Variants in THSD4 observed in about 807,000 individuals in gnomAD.
THSD4 encodes thrombospondin type 1 domain containing 4.
In THSD4, 69 loss-of-function variants were observed where a neutral mutation model predicts 119.0. The ratio of observed to expected loss-of-function variants is 0.58; its 90% CI spans 0.48 to 0.71. THSD4 has a LOEUF of 0.71. Ranked by LOEUF, THSD4 falls within the 30% of genes least tolerant of loss-of-function variation. The pLI is 0.00. For missense variants in THSD4, 1,393 were observed against 1,391.1 expected, an observed-to-expected ratio of 1.00 and a Z score of -0.02; for synonymous variants, 524 against 540.4, an observed-to-expected ratio of 0.97 and a Z score of 0.42.
intron 7 of THSD4, among the ~76,000 whole-genome samples, chr15:71,438,907 A>C (rs1039494940): frequency 6.6e-6 from 1 of 152,164 alleles, no homozygotes; most frequent in Non-Finnish European, 1.5e-5. Context: ...TTTACAATAT[A>C]TTTTTACTTG....
chr15:71,698,352 A>C (rs1489465518), intron 8 of THSD4, among the ~76,000 whole-genome samples: 2 of 152,140 alleles, frequency 1.3e-5, no homozygotes, highest in Non-Finnish European at 2.9e-5. Context: ...AAGGATACAG[A>C]GAAAAGGGCC....
intron 7 of THSD4, among the ~76,000 whole-genome samples, chr15:71,532,293 T>A (rs376659325): frequency 0.17 from 10,985 of 64,750 alleles, 710 homozygotes; most frequent in East Asian, 0.46. Flanking sequence ...AGTGTGTGTG[T>A]GTGTGTGTGT....
At chr15:71,130,286 A>G (rs1490908148) in intron 1 of THSD4, among the ~76,000 whole-genome samples, 1 of 152,070 alleles carries the variant, frequency 6.6e-6, no homozygotes, top group East Asian at 1.9e-4. Flanking sequence ...CTCCGGCTCA[A>G]TCGATCCTCC....
chr15:71,595,386 A>C (rs1476306851), intron 7 of THSD4, among the ~76,000 whole-genome samples: 8 of 152,150 alleles, frequency 5.3e-5, no homozygotes, highest in African/African-American at 1.9e-4. Flanking sequence ...ATGATAGTTA[A>C]TAAGTCTCAT....
chr15:71,184,501 G>A (rs1312517619), intron 3 of THSD4, among the ~76,000 whole-genome samples: 1 of 151,752 alleles, frequency 6.6e-6, no homozygotes, highest in Non-Finnish European at 1.5e-5. Flanking sequence ...ACTTTATAAG[G>A]ATTGGCCTGT....
chr15:71,261,028 G>T (rs540260029), intron 6 of THSD4, among the ~76,000 whole-genome samples: 36 of 152,332 alleles, frequency 2.4e-4, no homozygotes, highest in African/African-American at 8.7e-4. Flanking sequence ...CTTGAACCCA[G>T]GAGGCAGAGG....
intron 6 of THSD4, among the ~76,000 whole-genome samples, chr15:71,363,558 A>G (rs1428388516): frequency 1.3e-5 from 2 of 152,230 alleles, no homozygotes. Flanking sequence ...GGAAAATGTT[A>G]AAGAATATTA....
chr15:71,556,274 G>A (rs533926827), intron 7 of THSD4, among the ~76,000 whole-genome samples: 2 of 152,156 alleles, frequency 1.3e-5, no homozygotes, highest in Non-Finnish European at 2.9e-5. Context: ...TGAACATAGT[G>A]TATAAGCTTT....
intron 7 of THSD4, among the ~76,000 whole-genome samples, chr15:71,477,242 C>T (rs187012348): frequency 6.6e-6 from 1 of 152,336 alleles, no homozygotes; most frequent in African/African-American, 2.4e-5. Flanking sequence ...CCACTGGTTC[C>T]TATCAGACGG....
intron 7 of THSD4, among the ~76,000 whole-genome samples, chr15:71,461,878 C>G (rs1221070971): frequency 6.6e-6 from 1 of 151,662 alleles, no homozygotes. Context: ...ACAAAGTTAC[C>G]ATTCATTTGT....
intron 3 of THSD4, chr15:71,184,155 C>G (rs2043571390): frequency 6.6e-6 from 1 of 151,816 alleles, no homozygotes; most frequent in South Asian, 2.1e-4. Flanking sequence ...ACTGAGGTTT[C>G]TGTAGTAGGA....
At chr15:71,731,328 T>G (rs1395984529) in intron 10 of THSD4, 111 bp downstream of exon 10, 3 of 1,065,454 alleles carry the variant, frequency 2.8e-6, no homozygotes, top group Non-Finnish European at 4.2e-6. Flanking sequence ...CAGAGAAAAT[T>G]GAGGGACGCA....
chr15:71,336,295 A>G (rs566040104), intron 6 of THSD4, among the ~76,000 whole-genome samples: 1 of 152,362 alleles, frequency 6.6e-6, no homozygotes, highest in East Asian at 1.9e-4. Context: ...TAACAAATAC[A>G]TTAATACCCT....
chr15:71,700,470 A>C (rs1288127555), intron 8 of THSD4, among the ~76,000 whole-genome samples: 1 of 152,192 alleles, frequency 6.6e-6, no homozygotes, highest in Admixed American at 6.5e-5. Context: ...AGTCGAAGAC[A>C]ACTCCTTACT....
intron 16 of THSD4, chr15:71,767,183 A>G (rs1275423776): frequency 6.6e-6 from 1 of 152,236 alleles, no homozygotes; most frequent in Non-Finnish European, 1.5e-5. Context: ...GCAAAGACTG[A>G]TGGAAGCTAG....
chr15:71,533,821 C>A (rs1444672148), intron 7 of THSD4, among the ~76,000 whole-genome samples: 1 of 152,092 alleles, frequency 6.6e-6, no homozygotes, highest in East Asian at 1.9e-4. Flanking sequence ...AAGGGGAGAC[C>A]TACTGATCGG....
At chr15:71,643,490 T>A (rs2050906673) in intron 7 of THSD4, among the ~76,000 whole-genome samples, 2 of 152,114 alleles carry the variant, frequency 1.3e-5, no homozygotes, top group South Asian at 4.2e-4. Flanking sequence ...GGCCCCAGTG[T>A]GTGTTGTTCC....
At chr15:71,609,839 A>G (rs75808747) in intron 7 of THSD4, among the ~76,000 whole-genome samples, 1 of 142,404 alleles carries the variant, frequency 7.0e-6, no homozygotes, top group Non-Finnish European at 1.5e-5. Context: ...GCGACAGAGC[A>G]AGACTCCGTC....
chr15:71,524,370 A>C (rs558780123), intron 7 of THSD4, among the ~76,000 whole-genome samples: 3 of 152,252 alleles, frequency 2.0e-5, no homozygotes, highest in South Asian at 4.2e-4. Flanking sequence ...TACCTTCTTG[A>C]CAGTAGAAGC....
Sources: allele counts gnomAD v4.1 joint callset (sites outside exome capture counted in the v4.1 genomes callset), GRCh38; gene constraint gnomAD v4.1.1; transcripts MANE v1.5; gene names NCBI Gene and HGNC (gene_info 2026-07-23, HGNC 2026-07-21).